The following DOCK1 variants were observed in gnomAD, a reference collection of about 807,000 sequenced individuals.
DOCK1 encodes dedicator of cytokinesis 1.
Under a neutral mutation model 262.7 loss-of-function variants are expected in DOCK1, and 138 were observed. The ratio of observed to expected loss-of-function variants is 0.53; its 90% CI spans 0.46 to 0.61. The LOEUF (loss-of-function observed/expected upper bound fraction) is 0.61, where lower values mean the gene tolerates loss of function less well. DOCK1 is among the 20% of genes least tolerant of loss of function. The probability of loss-of-function intolerance (pLI) is 0.00; values close to 1 mark genes in which losing one functional copy is unlikely to be tolerated. For synonymous variants in DOCK1, 866 were observed against 867.4 expected (o/e 1.00, Z 0.03); for missense variants, 1,908 against 2,370.7 (o/e 0.80, Z 4.05).
intron 25 of DOCK1, among the ~76,000 whole-genome samples, chr10:127,113,996 G>A (rs1179862446): frequency 2.0e-5 from 3 of 152,134 alleles, no homozygotes; most frequent in African/African-American, 7.2e-5. Context: ...CAGTCATTTG[G>A]CATTTAAAAT....
At chr10:127,261,913 T>C (rs1564946462) in intron 29 of DOCK1, among the ~76,000 whole-genome samples, 4 of 143,380 alleles carry the variant, frequency 2.8e-5, no homozygotes. Flanking sequence ...TGTGTGTGTG[T>C]ACCCGTGCTC....
chr10:127,295,962 T>G (rs2061491493), intron 29 of DOCK1, among the ~76,000 whole-genome samples: 1 of 152,192 alleles, frequency 6.6e-6, no homozygotes, highest in Admixed American at 6.5e-5. Flanking sequence ...TAAAAATAAA[T>G]ATAGCAGGGG....
At chr10:127,256,268 G>A (rs2059822117) in intron 28 of DOCK1, among the ~76,000 whole-genome samples, 1 of 152,182 alleles carries the variant, frequency 6.6e-6, no homozygotes, top group Admixed American at 6.5e-5. Context: ...ATTTTAACTT[G>A]TGCCTCTTTG....
At chr10:126,977,629 G>C (rs2038646452) in intron 2 of DOCK1, among the ~76,000 whole-genome samples, 1 of 152,208 alleles carries the variant, frequency 6.6e-6, no homozygotes, top group African/African-American at 2.4e-5. Context: ...CTCAGGGCCA[G>C]TGGTTGAAAG....
At chr10:127,132,763 A>G (rs1227884749) in intron 27 of DOCK1, among the ~76,000 whole-genome samples, 1 of 152,178 alleles carries the variant, frequency 6.6e-6, no homozygotes, top group Admixed American at 6.5e-5. Context: ...GCTTCTTTCA[A>G]ATGATCAGAT....
intron 1 of DOCK1, among the ~76,000 whole-genome samples, chr10:126,942,890 CT>C (rs1301710846): frequency 1.3e-5 from 2 of 152,028 alleles, no homozygotes; most frequent in Non-Finnish European, 2.9e-5. Flanking sequence ...TTTTCCTGAC[CT>C]TTTGTGATTT....
intron 27 of DOCK1, among the ~76,000 whole-genome samples, chr10:127,243,353 A>G (rs2059327205): frequency 6.6e-6 from 1 of 152,038 alleles, no homozygotes; most frequent in Non-Finnish European, 1.5e-5. Flanking sequence ...TCCTGCAATG[A>G]CATCCTGCAT....
intron 27 of DOCK1, among the ~76,000 whole-genome samples, chr10:127,223,610 A>G (rs762923399): frequency 5.3e-5 from 8 of 152,216 alleles, no homozygotes; most frequent in African/African-American, 1.9e-4. Flanking sequence ...ATAATCTGCA[A>G]TCTGAAACAT....
chr10:127,093,142 G>A (rs575128940), intron 23 of DOCK1, among the ~76,000 whole-genome samples: 74 of 151,552 alleles, frequency 4.9e-4, no homozygotes, highest in African/African-American at 1.7e-3. Flanking sequence ...TCATGCTCGT[G>A]TCTGCCTCTG....
chr10:127,360,116 G>A (rs1331441724), intron 32 of DOCK1, among the ~76,000 whole-genome samples: 3 of 152,184 alleles, frequency 2.0e-5, no homozygotes, highest in African/African-American at 7.2e-5. Flanking sequence ...CCTTAACTAA[G>A]GTTCGCAGCC....
intron 21 of DOCK1, among the ~76,000 whole-genome samples, chr10:127,044,480 C>G (rs529442143): frequency 1.3e-5 from 2 of 152,212 alleles, no homozygotes; most frequent in South Asian, 4.2e-4. Context: ...GTGGGCATGT[C>G]GAGTAGTTCC....
chr10:126,941,269 G>C (rs2034957608), intron 1 of DOCK1, among the ~76,000 whole-genome samples: 1 of 152,166 alleles, frequency 6.6e-6, no homozygotes, highest in African/African-American at 2.4e-5. Flanking sequence ...GTATCCTGTG[G>C]TTATGAGAGG....
chr10:127,329,250 G>A (rs887475210), intron 29 of DOCK1, among the ~76,000 whole-genome samples: 4 of 152,116 alleles, frequency 2.6e-5, no homozygotes, highest in African/African-American at 4.8e-5. Flanking sequence ...GGTGGGGCAC[G>A]GTCACCCTGA....
chr10:126,920,984 G>T (rs1433869352), intron 1 of DOCK1, among the ~76,000 whole-genome samples: 1 of 152,106 alleles, frequency 6.6e-6, no homozygotes, highest in Non-Finnish European at 1.5e-5. Context: ...ATCACCTGAG[G>T]TCAGGAGTTT....
chr10:127,418,629 C>A, intron 45 of DOCK1, 88 bp downstream of exon 45: 1 of 1,455,082 alleles, frequency 6.9e-7, no homozygotes, highest in Non-Finnish European at 9.1e-7. Flanking sequence ...CCCAGAAACG[C>A]CCCTGGTCTC....
chr10:126,952,717 G>A (rs1284269493), intron 1 of DOCK1, among the ~76,000 whole-genome samples: 1 of 151,824 alleles, frequency 6.6e-6, no homozygotes, highest in African/African-American at 2.4e-5. Context: ...AGTATTGTTG[G>A]TAGTGTTGGT....
At chr10:127,439,331 A>G (rs750679490) in intron 49 of DOCK1, 106 bp downstream of exon 49, 5 of 1,213,034 alleles carry the variant, frequency 4.1e-6, no homozygotes, top group African/African-American at 1.5e-5. Context: ...TGAACTTGTT[A>G]TAAATTAGCA....
Position 127,130,065 on chromosome 10 carries a change from CTTTTTTTTTTTTTTTTTTT to C in DOCK1, c.2847+2314_2847+2332del, listed in dbSNP as rs74721427. 2.8e-4 allele frequency among the ~76,000 whole-genome samples: 33 copies of C among 117,548 alleles called. No individual in the cohort carries two copies. The East Asian group carries it at 6.1e-3, about 22-fold the overall frequency. 77.1% of individuals were successfully genotyped at this position (117,548 alleles called of 152,430 possible). On this transcript the variant is annotated intron_variant, in intron 27 of 51. Coordinates refer to ENST00000623213, the MANE Select transcript of DOCK1 (RefSeq NM_001290223.2). ...CAATCCTGCCTCCAGTTAGGGTCTT[CTTTTTTTTTTTTTTTTTTT>C]TTTTTTTTTTTTCCCCTGAGATAGA...
At chr10:127,392,804 A>C (rs1460032590) in intron 38 of DOCK1, among the ~76,000 whole-genome samples, 1 of 151,960 alleles carries the variant, frequency 6.6e-6, no homozygotes, top group Admixed American at 6.6e-5. Flanking sequence ...GCCGCATCAC[A>C]GTTGGGTTTT....
Sources: gnomAD v4.1 joint callset for allele counts (sites outside exome capture counted in the v4.1 genomes callset) on GRCh38, gnomAD v4.1.1 for gene constraint, MANE v1.5 for transcripts, NCBI Gene and HGNC (gene_info 2026-07-23, HGNC 2026-07-21) for gene names.